Variants in EYS observed in about 807,000 individuals in gnomAD.
EYS encodes protein eyes shut homolog.
A neutral mutation model predicts 282.1 loss-of-function variants in EYS; 250 were observed. That is an observed-to-expected ratio of 0.89 (90% CI 0.80 to 0.98). EYS has a LOEUF of 0.98. Among genes scored for constraint, EYS ranks in the 50% least tolerant of loss-of-function variants. The probability of loss-of-function intolerance (pLI) is 0.00; values close to 1 mark genes in which losing one functional copy is unlikely to be tolerated. For synonymous variants in EYS, 1,355 were observed against 1,282.9 expected (o/e 1.06, Z -1.20); for missense variants, 4,016 against 3,709.0 (o/e 1.08, Z -2.15).
chr6:64,889,064 T>C (rs965878907), intron 18 of EYS, among the ~76,000 whole-genome samples: 2 of 152,054 alleles, frequency 1.3e-5, no homozygotes, highest in Non-Finnish European at 2.9e-5. Context: ...TATTGAATAC[T>C]AGAAAATTAT....
At chr6:65,127,765 G>A (rs1775761798) in intron 12 of EYS, among the ~76,000 whole-genome samples, 1 of 151,932 alleles carries the variant, frequency 6.6e-6, no homozygotes, top group Non-Finnish European at 1.5e-5. Context: ...CATTTTCTTA[G>A]GCATATCATC....
chr6:65,423,516 T>C (rs1007852861), intron 5 of EYS, among the ~76,000 whole-genome samples: 9 of 151,936 alleles, frequency 5.9e-5, no homozygotes, highest in African/African-American at 2.2e-4. Context: ...AAACTTCTGA[T>C]TCAGCGGGTC....
intron 2 of EYS, among the ~76,000 whole-genome samples, chr6:65,511,668 TC>T (rs1766872846): frequency 6.6e-6 from 1 of 152,068 alleles, no homozygotes; most frequent in African/African-American, 2.4e-5. Context: ...ATCCAATAAC[TC>T]AGGACAGGCG....
At chr6:64,939,155 A>C (rs1034084489) in intron 15 of EYS, among the ~76,000 whole-genome samples, 1 of 151,848 alleles carries the variant, frequency 6.6e-6, no homozygotes, top group Admixed American at 6.6e-5. Flanking sequence ...ACAATCTAGA[A>C]AAGCCAATAT....
intron 5 of EYS, among the ~76,000 whole-genome samples, chr6:65,484,993 ACTAT>A (rs1471075880): frequency 6.6e-6 from 1 of 152,232 alleles, no homozygotes; most frequent in African/African-American, 2.4e-5. Context: ...TAAAATATTT[ACTAT>A]CTAACTCTTT....
intron 41 of EYS, among the ~76,000 whole-genome samples, chr6:63,750,579 G>A (rs1052550720): frequency 2.0e-5 from 3 of 152,138 alleles, no homozygotes; most frequent in African/African-American, 7.2e-5. Context: ...GTACAGAAAT[G>A]AGTCCTTTGG....
rs549400036 is a variant in EYS at position 64,395,332 on chromosome 6, C to G, written c.5928-6492G>C. Among the ~76,000 whole-genome samples, 6 of 152,204 alleles carry G rather than the reference C, an allele frequency of 3.9e-5. No individual in the cohort carries two copies. The East Asian group carries it at 9.7e-4, about 25-fold the overall frequency. ...ATGCTGCTATAAAGACGCATGCACA[C>G]GTATGTTTATTGCAGCATTATTCAC... is the stretch of plus-strand genomic sequence containing the variant. On this transcript the variant is annotated intron_variant, in intron 28 of 42. Coordinates refer to ENST00000503581, the MANE Select transcript of EYS (RefSeq NM_001142800.2).
chr6:65,597,315 C>A (rs1765442965), intron 2 of EYS, among the ~76,000 whole-genome samples: 1 of 151,908 alleles, frequency 6.6e-6, no homozygotes, highest in Non-Finnish European at 1.5e-5. Flanking sequence ...AAACAATTAG[C>A]CTCGCCCAGA....
At chr6:64,767,882 C>T (rs1773402726) in intron 22 of EYS, among the ~76,000 whole-genome samples, 1 of 152,084 alleles carries the variant, frequency 6.6e-6, no homozygotes, top group African/African-American at 2.4e-5. Flanking sequence ...AGTGACTACA[C>T]TGGTTTACAT....
chr6:64,903,944 G>T (rs1562251622), intron 16 of EYS, among the ~76,000 whole-genome samples: 1 of 151,942 alleles, frequency 6.6e-6, no homozygotes, highest in Non-Finnish European at 1.5e-5. Flanking sequence ...AACAGAAAAA[G>T]AAACAAAGTA....
chr6:65,114,674 C>G (rs1775316114), intron 12 of EYS, among the ~76,000 whole-genome samples: 1 of 151,732 alleles, frequency 6.6e-6, no homozygotes, highest in Non-Finnish European at 1.5e-5. Flanking sequence ...TATGCTATTT[C>G]TCTGCTTTGA....
At chr6:64,300,393 C>T (rs1009834157) in intron 30 of EYS, among the ~76,000 whole-genome samples, 4 of 152,128 alleles carry the variant, frequency 2.6e-5, no homozygotes, top group Non-Finnish European at 4.4e-5. Context: ...TGTATACAAG[C>T]GACATCCCAG....
chr6:63,753,676 G>A (rs1224939526), intron 41 of EYS, among the ~76,000 whole-genome samples: 1 of 152,100 alleles, frequency 6.6e-6, no homozygotes, highest in African/African-American at 2.4e-5. Flanking sequence ...CCCTCTAGAT[G>A]TTGGGATTAC....
chr6:63,907,334 C>CAAGT (rs1773802307), intron 35 of EYS, among the ~76,000 whole-genome samples: 13 of 152,126 alleles, frequency 8.5e-5, no homozygotes, highest in Admixed American at 8.5e-4. Context: ...TGGATAAAGA[C>CAAGT]AAGTGTAGAC....
intron 12 of EYS, among the ~76,000 whole-genome samples, chr6:65,274,548 G>A (rs1251531542): frequency 6.6e-6 from 1 of 152,144 alleles, no homozygotes; most frequent in Non-Finnish European, 1.5e-5. Context: ...GAAGTAGTTT[G>A]TTTTCAGCTG....
At chr6:64,610,443 G>A (rs569724453) in intron 24 of EYS, among the ~76,000 whole-genome samples, 49 of 124,236 alleles carry the variant, frequency 3.9e-4, no homozygotes, top group East Asian at 1.2e-3. Flanking sequence ...TCACTCTGTC[G>A]CCCAGGCTGG....
chr6:65,162,298 G>A (rs1764868687), intron 12 of EYS, among the ~76,000 whole-genome samples: 1 of 151,332 alleles, frequency 6.6e-6, no homozygotes, highest in East Asian at 2.0e-4. Context: ...GATTCTGAAT[G>A]CAGATAAAAT....
intron 26 of EYS, among the ~76,000 whole-genome samples, chr6:64,495,282 A>C (rs1260364957): frequency 1.3e-5 from 2 of 151,744 alleles, no homozygotes; most frequent in East Asian, 3.9e-4. Context: ...CAGGTCAGAC[A>C]ACAACTCGGC....
At chr6:64,672,243 C>T (rs12203072) in intron 22 of EYS, among the ~76,000 whole-genome samples, 89,948 of 151,944 alleles carry the variant, frequency 0.59, 26,825 homozygotes, top group South Asian at 0.68. Context: ...TCTTACTCAG[C>T]GGTAATGAAA....
Sources: allele counts gnomAD v4.1 joint callset (sites outside exome capture counted in the v4.1 genomes callset), GRCh38; gene constraint gnomAD v4.1.1; transcripts MANE v1.5; gene names NCBI Gene and HGNC (gene_info 2026-07-23, HGNC 2026-07-21).